VSTM4: variants seen among roughly 807,000 people sequenced by gnomAD.
The protein encoded by VSTM4 is V-set and transmembrane domain containing 4, also known as V-set and transmembrane domain-containing protein 4.
In VSTM4, 20 loss-of-function variants were observed where a neutral mutation model predicts 36.4. That is an observed-to-expected ratio of 0.55 (90% confidence interval 0.39 to 0.80). The LOEUF is 0.80. VSTM4 is among the 30% of genes least tolerant of loss of function. VSTM4 has a pLI of 0.00. For synonymous variants in VSTM4, 182 were observed against 173.9 expected (o/e 1.05, Z -0.37); for missense variants, 392 against 404.5 (o/e 0.97, Z 0.26).
rs1341066414 is a variant in VSTM4, at chr10:49,070,238, G to C, written c.635-5502C>G. The stretch of plus-strand genomic sequence containing the variant: ...ACTGCACTCCAGCCTGGGCGACAGA[G>C]CGAGACTCCGTCTCAAAAAAAAAAA... On this transcript the variant is annotated intron_variant, in intron 4 of 7. Coordinates refer to ENST00000332853, the MANE Select transcript of VSTM4 (RefSeq NM_001031746.5). Among the ~76,000 whole-genome samples the C allele has an allele frequency of 1.9e-4, 9 of 47,220 alleles. 1 individual carries two copies. The Admixed American group carries it at 2.6e-3, about 14-fold the overall frequency. 31.0% of individuals were successfully genotyped at this position (47,220 alleles called of 152,430 possible).
At chr10:49,082,987 C>G (rs1377536139) in intron 3 of VSTM4, among the ~76,000 whole-genome samples, 1 of 152,212 alleles carries the variant, frequency 6.6e-6, no homozygotes, top group East Asian at 1.9e-4. Context: ...CAGGGCCAGG[C>G]AGATGGCACC....
At chr10:49,057,864 A>C (rs139411908) in intron 5 of VSTM4, among the ~76,000 whole-genome samples, 108 of 152,364 alleles carry the variant, frequency 7.1e-4, no homozygotes, top group African/African-American at 2.4e-3. Flanking sequence ...GGGGCACAGC[A>C]TAAGTCTGTT....
chr10:49,108,848 C>T (rs1020407186), intron 1 of VSTM4, among the ~76,000 whole-genome samples: 8 of 152,200 alleles, frequency 5.3e-5, no homozygotes, highest in African/African-American at 1.4e-4. Context: ...GCCACCCCAG[C>T]GCCCACTCCA....
intron 7 of VSTM4, among the ~76,000 whole-genome samples, chr10:49,024,089 G>A (rs535144902): frequency 2.0e-5 from 3 of 152,266 alleles, no homozygotes; most frequent in Admixed American, 1.3e-4. Flanking sequence ...GAAGCAACTC[G>A]GCCATTTCCT....
chr10:49,069,164 C>A (rs557813755), intron 4 of VSTM4, among the ~76,000 whole-genome samples: 158 of 152,318 alleles, frequency 1.0e-3, no homozygotes, highest in African/African-American at 3.8e-3. Context: ...CCACCCCAAG[C>A]TGGGTGATTT....
At chr10:49,035,669 C>CAAAA (rs3080379) in intron 7 of VSTM4, among the ~76,000 whole-genome samples, 1,389 of 63,984 alleles carry the variant, frequency 0.022, 34 homozygotes, top group African/African-American at 0.035. Flanking sequence ...CCCAGCTCCA[C>CAAAA]AAAAAAAAAA....
intron 4 of VSTM4, among the ~76,000 whole-genome samples, chr10:49,067,427 C>T (rs1381170915): frequency 1.3e-5 from 2 of 152,224 alleles, no homozygotes; most frequent in Non-Finnish European, 2.9e-5. Flanking sequence ...CTAACTGAAG[C>T]CTAATCCTCA....
At chr10:49,033,880 A>G (rs1009338926) in intron 7 of VSTM4, among the ~76,000 whole-genome samples, 7 of 152,090 alleles carry the variant, frequency 4.6e-5, no homozygotes, top group African/African-American at 1.7e-4. Flanking sequence ...TATCATTATC[A>G]TCATTATTAC....
At chr10:49,112,663 C>G (rs1056888841) in intron 1 of VSTM4, among the ~76,000 whole-genome samples, 1 of 152,178 alleles carries the variant, frequency 6.6e-6, no homozygotes, top group Non-Finnish European at 1.5e-5. Flanking sequence ...GCACACAGGA[C>G]CCCATGGTTG....
intron 3 of VSTM4, among the ~76,000 whole-genome samples, chr10:49,085,648 C>A (rs1564588415): frequency 6.6e-6 from 1 of 152,112 alleles, no homozygotes; most frequent in Non-Finnish European, 1.5e-5. Flanking sequence ...TAAGTTTAGA[C>A]CAAGAAAACA....
chr10:49,103,444 A>G, intron 2 of VSTM4: 1 of 886,242 alleles, frequency 1.1e-6, no homozygotes, highest in African/African-American at 1.8e-5. Flanking sequence ...ATGGTAAGTC[A>G]TTTTTATTTT....
chr10:49,052,256 G>A (rs184804629), intron 5 of VSTM4, among the ~76,000 whole-genome samples: 162 of 152,182 alleles, frequency 1.1e-3, no homozygotes, highest in African/African-American at 3.5e-3. Context: ...GAATACCTAC[G>A]TCACCCTCCT....
intron 5 of VSTM4, among the ~76,000 whole-genome samples, chr10:49,062,463 C>A (rs1032541920): frequency 2.0e-5 from 3 of 152,138 alleles, no homozygotes; most frequent in Non-Finnish European, 4.4e-5. Context: ...GTTGGCAGTT[C>A]TTTTATTTTG....
intron 5 of VSTM4, 36 bp downstream of exon 5, chr10:49,064,667 G>C (rs372385586): frequency 5.0e-6 from 8 of 1,595,272 alleles, no homozygotes; most frequent in Non-Finnish European, 6.8e-6. Flanking sequence ...AAATGGCAAA[G>C]AGTTTCATCT....
chr10:49,112,358 T>A (rs1024234530), intron 1 of VSTM4, among the ~76,000 whole-genome samples: 1 of 152,158 alleles, frequency 6.6e-6, no homozygotes, highest in Non-Finnish European at 1.5e-5. Context: ...AGAGAAACGA[T>A]GAGACACAGA....
chr10:49,071,541 C>T (rs1048879405), intron 4 of VSTM4, among the ~76,000 whole-genome samples: 8 of 152,336 alleles, frequency 5.3e-5, no homozygotes, highest in African/African-American at 1.4e-4. Context: ...GAATGTTGAG[C>T]GCCCTTAGAG....
chr10:49,094,109 C>T (rs1313116696), intron 2 of VSTM4, among the ~76,000 whole-genome samples: 1 of 152,144 alleles, frequency 6.6e-6, no homozygotes, highest in Non-Finnish European at 1.5e-5. Context: ...GTACACCTTA[C>T]CAGGACTATG....
At chr10:49,025,329 T>C (rs1447079266) in intron 7 of VSTM4, among the ~76,000 whole-genome samples, 1 of 151,664 alleles carries the variant, frequency 6.6e-6, no homozygotes, top group African/African-American at 2.4e-5. Context: ...AACTACCTGA[T>C]AGGGTGGGAG....
chr10:49,051,841 T>A (rs1222113368), intron 5 of VSTM4, among the ~76,000 whole-genome samples: 7 of 152,228 alleles, frequency 4.6e-5, no homozygotes, highest in African/African-American at 1.4e-4. Context: ...CATGTGCAGT[T>A]TTTTTGTGTG....
Sources: gnomAD v4.1 joint callset for allele counts (sites outside exome capture counted in the v4.1 genomes callset) on GRCh38, gnomAD v4.1.1 for gene constraint, MANE v1.5 for transcripts, NCBI Gene and HGNC (gene_info 2026-07-23, HGNC 2026-07-21) for gene names.